Variants in ABR observed in about 807,000 individuals in gnomAD.
ABR encodes ABR activator of RhoGEF and GTPase.
ABR carries 35 observed loss-of-function variants against 107.2 expected under a neutral mutation model. That is an observed-to-expected ratio of 0.33 (90% CI 0.25 to 0.43). The LOEUF is 0.43. Among genes scored for constraint, ABR ranks in the 20% least tolerant of loss-of-function variants. ABR has a pLI of 1.00. For synonymous variants in ABR, 498 were observed against 462.0 expected (o/e 1.08, Z -1.00); for missense variants, 815 against 1,115.2 (o/e 0.73, Z 3.83).
chr17:1,150,138 T>C lies in ABR; in HGVS notation c.62-24771A>G, dbSNP rs1030462923. On this transcript the variant is annotated intron_variant, in intron 1 of 22. Transcript: ENST00000302538. The surrounding 1 kb of genome is among the most constrained non-coding windows in gnomAD (Gnocchi z 4.8). ...GAAGGCCAGCTTGCCCGGTGTCTTC[T>C]CAAGGGCTGACACACTTCTCAAAGC... 2.6e-5 allele frequency among the ~76,000 whole-genome samples: 4 copies of C among 151,196 alleles called. No individual in the cohort carries two copies. The highest frequency in any genetic ancestry group is 9.7e-5 in the African/African-American group (4 of 41,058).
rs2070123931 is a variant in ABR at position 1,007,317 on chromosome 17, G to C, written c.2343-5C>G. 1.9e-6 allele frequency: 3 copies of C among 1,613,970 alleles called. No homozygotes were observed. The highest frequency in any genetic ancestry group is 2.5e-6 in the Non-Finnish European group (3 of 1,179,906). On this transcript the variant is annotated splice_region_variant and splice_polypyrimidine_tract_variant and intron_variant, in intron 21 of 22. Coordinates refer to ENST00000302538, the MANE Select transcript of ABR (RefSeq NM_021962.5). The stretch of plus-strand genomic sequence containing the variant: ...ATGGGCTCCTTCTCGGCAACCCTAA[G>C]AAGGAGAAGATGGGGAGGAAAGAAG...
At chr17:1,123,213 C>T (rs919312232) in intron 2 of ABR, among the ~76,000 whole-genome samples, 2 of 152,144 alleles carry the variant, frequency 1.3e-5, no homozygotes, top group African/African-American at 4.8e-5. Flanking sequence ...GCGGATGGGA[C>T]CTTTGCCCGG....
At chr17:1,102,988 G>A (rs2038007267) in intron 2 of ABR, among the ~76,000 whole-genome samples, 1 of 152,166 alleles carries the variant, frequency 6.6e-6, no homozygotes, top group Non-Finnish European at 1.5e-5. Flanking sequence ...GGGATTACAG[G>A]TGTGAGCCAT....
At chr17:1,012,063 A>G in intron 18 of ABR, 78 bp from the exon 19 acceptor site, 1 of 1,597,330 alleles carries the variant, frequency 6.3e-7, no homozygotes, top group South Asian at 1.1e-5. Context: ...CAGCACACAC[A>G]CACCCTGGAG....
At chr17:1,126,884 G>T (rs1597909362) in intron 1 of ABR, among the ~76,000 whole-genome samples, 1 of 152,362 alleles carries the variant, frequency 6.6e-6, no homozygotes, top group Admixed American at 6.5e-5. Context: ...GCGAATGAAT[G>T]AGCAGAGGAT....
chr17:1,014,723 G>A (rs890321591), intron 16 of ABR, among the ~76,000 whole-genome samples: 35 of 151,780 alleles, frequency 2.3e-4, no homozygotes, highest in African/African-American at 7.7e-4. Context: ...GTGGGCGCCT[G>A]TAGTCCCAGC....
At chr17:1,113,232 G>C (rs1459059542) in intron 2 of ABR, among the ~76,000 whole-genome samples, 1 of 151,570 alleles carries the variant, frequency 6.6e-6, no homozygotes, top group Admixed American at 6.6e-5. Context: ...CTCTGCAGCT[G>C]AGGTGCCACT....
intron 14 of ABR, 59 bp downstream of exon 14, chr17:1,055,976 G>T: frequency 6.6e-7 from 1 of 1,508,386 alleles, no homozygotes; most frequent in Non-Finnish European, 9.2e-7. Flanking sequence ...CCCATCCTGG[G>T]CAGAGCAGTG....
At chr17:1,149,048 C>G (rs991506526) in intron 1 of ABR, among the ~76,000 whole-genome samples, 8 of 149,710 alleles carry the variant, frequency 5.3e-5, no homozygotes, top group Admixed American at 4.0e-4. Flanking sequence ...ACGACAGGTG[C>G]CTGCCACCAT....
intron 1 of ABR, among the ~76,000 whole-genome samples, chr17:1,140,874 C>T (rs571791674): frequency 1.8e-3 from 266 of 151,934 alleles, no homozygotes; most frequent in African/African-American, 5.8e-3. Context: ...TGAGCCACCG[C>T]GCCCGGCCAG....
At chr17:1,015,525 T>C (rs1469533832) in intron 16 of ABR, among the ~76,000 whole-genome samples, 1 of 150,646 alleles carries the variant, frequency 6.6e-6, no homozygotes, top group Non-Finnish European at 1.5e-5. Flanking sequence ...GGTGCGATCT[T>C]GGCTCACAGC....
intron 3 of ABR, among the ~76,000 whole-genome samples, chr17:1,097,346 T>C (rs141723223): frequency 0.029 from 4,432 of 152,176 alleles, 220 homozygotes; most frequent in African/African-American, 0.1. Context: ...ATCCCAGCAC[T>C]TTGGGAGGCC....
At chr17:1,064,504 TGAAC>T (rs2034459770) in intron 10 of ABR, among the ~76,000 whole-genome samples, 1 of 131,280 alleles carries the variant, frequency 7.6e-6, no homozygotes, top group African/African-American at 2.8e-5. Flanking sequence ...TGTTGTTATG[TGAAC>T]TGAGGGCTAT....
intron 1 of ABR, among the ~76,000 whole-genome samples, chr17:1,174,562 A>T (rs1410743151): frequency 1.3e-5 from 2 of 152,204 alleles, no homozygotes; most frequent in Admixed American, 1.3e-4. Context: ...GGGGCACTGA[A>T]TCTATAAAGG....
chr17:1,135,705 GTC>G (rs1004449217), intron 1 of ABR, among the ~76,000 whole-genome samples: 7 of 152,114 alleles, frequency 4.6e-5, no homozygotes, highest in Non-Finnish European at 1.0e-4. Context: ...GTGAAAGCCT[GTC>G]TCTACTAAAA....
At chr17:1,173,716 T>C in intron 1 of ABR, among the ~76,000 whole-genome samples, 1 of 152,176 alleles carries the variant, frequency 6.6e-6, no homozygotes, top group South Asian at 2.1e-4. Context: ...TTCCCACCCG[T>C]ACTCAGACAA....
chr17:1,032,305 G>A (rs1211859206), intron 16 of ABR, among the ~76,000 whole-genome samples: 4 of 152,088 alleles, frequency 2.6e-5, no homozygotes, highest in African/African-American at 4.8e-5. Flanking sequence ...TTGGTGACCC[G>A]GCCAGACCCT....
chr17:1,179,863 G>A lies in ABR; in HGVS notation c.-136C>T. On this transcript the variant is annotated 5_prime_UTR_variant, in exon 1 of 23. Coordinates refer to ENST00000302538, the MANE Select transcript of ABR (RefSeq NM_021962.5). This position sits in a 1 kb window ranked among gnomAD's most constrained non-coding sequence, Gnocchi z 4.9. ...GAGGCCGGGAACCAGGTCCCCGGGA[G>A]GAGCGCGGGGCGGCCGGGGCAGGGG... 1.1e-6 allele frequency: 1 copy of A among 902,690 alleles called. No individual in the cohort carries two copies. Among genetic ancestry groups the A allele is most frequent in the Non-Finnish European group, 1.5e-6 (1 of 654,786 alleles). 55.9% of individuals were successfully genotyped at this position (902,690 alleles called of 1,614,324 possible).
Position 1,078,808 on chromosome 17 carries a change from G to C in ABR, c.700+522C>G. 1 of 1,535,414 alleles carries C rather than the reference G, an allele frequency of 6.5e-7. No individual in the cohort carries two copies. Among genetic ancestry groups the C allele is most frequent in the Non-Finnish European group, 8.7e-7 (1 of 1,146,732 alleles). ...CGCCACCTCCCACAGCGAGCACCTG[G>C]GTTACCATAGGTGCAGTTACAGCAG... On this transcript the variant is annotated intron_variant, in intron 6 of 22. Transcript: ENST00000302538. The surrounding 1 kb of genome is among the most constrained non-coding windows in gnomAD (Gnocchi z 7.5).
Sources: allele counts gnomAD v4.1 joint callset (sites outside exome capture counted in the v4.1 genomes callset), GRCh38; gene constraint gnomAD v4.1.1; non-coding constraint Gnocchi (gnomAD v3.1); transcripts MANE v1.5; gene names NCBI Gene and HGNC (gene_info 2026-07-23, HGNC 2026-07-21).